The following RMDN2 variants were observed in gnomAD, a reference collection of about 807,000 sequenced individuals.
RMDN2 encodes the protein regulator of microtubule dynamics 2.
In RMDN2, 61 loss-of-function variants were observed where a neutral mutation model predicts 52.8. That is an observed-to-expected ratio of 1.16 (90% CI 0.94 to 1.43). The LOEUF is 1.43. Ranked by LOEUF, RMDN2 falls within the 40% of genes most tolerant of loss-of-function variation. The pLI, the probability that RMDN2 is intolerant of heterozygous loss-of-function variation, is 0.00. For missense variants in RMDN2, 592 were observed against 475.3 expected (o/e 1.25, Z -2.28); for synonymous variants, 180 against 153.1 (o/e 1.18, Z -1.30).
chr2:37,947,877 C>T (rs1259964474), intron 2 of RMDN2, among the ~76,000 whole-genome samples: 1 of 152,132 alleles, frequency 6.6e-6, no homozygotes, highest in Non-Finnish European at 1.5e-5. Flanking sequence ...TCAGGGTTCT[C>T]CCCTTGTGCC....
chr2:37,961,603 A>G (rs755842583), intron 2 of RMDN2, among the ~76,000 whole-genome samples: 4 of 151,924 alleles, frequency 2.6e-5, no homozygotes, highest in Admixed American at 6.6e-5. Context: ...TCTTTTATCA[A>G]AGTTCTTAGC....
At chr2:38,041,724 T>C (rs1252658663) in intron 10 of RMDN2, among the ~76,000 whole-genome samples, 1 of 152,144 alleles carries the variant, frequency 6.6e-6, no homozygotes, top group Non-Finnish European at 1.5e-5. Context: ...TCTTCCTTTT[T>C]AGTGTATTAA....
chr2:38,065,240 A>G (rs1169034644), intron 10 of RMDN2, among the ~76,000 whole-genome samples: 1 of 152,238 alleles, frequency 6.6e-6, no homozygotes, highest in African/African-American at 2.4e-5. Flanking sequence ...GCACTTACAT[A>G]AAGTAAAACA....
chr2:37,963,852 C>T (rs899185709), intron 2 of RMDN2, among the ~76,000 whole-genome samples: 21 of 152,246 alleles, frequency 1.4e-4, no homozygotes, highest in East Asian at 3.9e-4. Context: ...GACGGGGTGG[C>T]GGCCGGGCAG....
chr2:37,987,256 C>T (rs935506273), intron 5 of RMDN2, among the ~76,000 whole-genome samples: 1 of 150,514 alleles, frequency 6.6e-6, no homozygotes, highest in Non-Finnish European at 1.5e-5. Flanking sequence ...TGAAAATGAA[C>T]AAAGTATGTA....
Position 37,975,292 on chromosome 2 carries a change from A to G in RMDN2, c.708A>G (p.Glu236=). 6.3e-7 allele frequency: 1 copy of G among 1,598,956 alleles called. No individual in the cohort carries two copies. The highest frequency in any genetic ancestry group is 1.1e-5 in the South Asian group (1 of 90,580). Residue 236 remains glutamate, a synonymous_variant, in exon 4 of 11, where the codon GAA becomes GAG. Coordinates refer to ENST00000354545, the MANE Select transcript of RMDN2 (RefSeq NM_001170791.3). ...ATGAACTATCTACAAACACACAAGA[A>G]AAGAAACATTATGCTAATATTGGTA... ...DMYELSTNTQ[E]KKHYANIGKT... is the part of the protein sequence containing the mutation.
intron 10 of RMDN2, among the ~76,000 whole-genome samples, chr2:38,058,975 A>G (rs1681942559): frequency 1.3e-5 from 2 of 152,180 alleles, no homozygotes. Flanking sequence ...AGTATTTCTC[A>G]TGATTCTTAT....
intron 10 of RMDN2, among the ~76,000 whole-genome samples, chr2:38,026,801 A>T (rs1246389699): frequency 2.6e-5 from 4 of 152,178 alleles, no homozygotes; most frequent in Non-Finnish European, 5.9e-5. Context: ...ATTTCTAAGT[A>T]CCACTTTAGC....
intron 10 of RMDN2, among the ~76,000 whole-genome samples, chr2:38,013,932 C>T (rs1022039319): frequency 2.6e-5 from 4 of 152,212 alleles, no homozygotes; most frequent in Non-Finnish European, 5.9e-5. Context: ...GGCAGCCGGG[C>T]GTCGTGGCTC....
At chr2:38,026,792 T>C (rs1053967667) in intron 10 of RMDN2, among the ~76,000 whole-genome samples, 2 of 152,194 alleles carry the variant, frequency 1.3e-5, no homozygotes, top group African/African-American at 2.4e-5. Context: ...GTGCTATAAA[T>C]TTCTAAGTAC....
intron 10 of RMDN2, among the ~76,000 whole-genome samples, chr2:38,039,635 G>A (rs1434083808): frequency 6.6e-6 from 1 of 152,188 alleles, no homozygotes; most frequent in Non-Finnish European, 1.5e-5. Flanking sequence ...ACAGAAGAAG[G>A]AAGTTGTCTC....
intron 10 of RMDN2, among the ~76,000 whole-genome samples, chr2:38,010,439 G>A (rs1007237095): frequency 6.6e-6 from 1 of 152,290 alleles, no homozygotes; most frequent in African/African-American, 2.4e-5. Context: ...CCTTGCTGCT[G>A]CCTTGCAGTT....
At chr2:37,926,848 A>G (rs1572661075) in intron 1 of RMDN2, among the ~76,000 whole-genome samples, 2 of 152,146 alleles carry the variant, frequency 1.3e-5, no homozygotes, top group African/African-American at 4.8e-5. Flanking sequence ...AGGCAGGAGG[A>G]TGACTTGAGC....
intron 7 of RMDN2, among the ~76,000 whole-genome samples, chr2:37,993,068 C>T (rs1043974706): frequency 1.3e-5 from 2 of 152,140 alleles, no homozygotes; most frequent in Admixed American, 6.5e-5. Flanking sequence ...GCGTGTGCCA[C>T]CACGCTCGGG....
chr2:37,995,504 A>G (rs980105971), intron 7 of RMDN2, among the ~76,000 whole-genome samples: 1 of 152,218 alleles, frequency 6.6e-6, no homozygotes, highest in Non-Finnish European at 1.5e-5. Context: ...TAAAATAAAA[A>G]TTGACCAAAT....
At chr2:38,042,008 T>C (rs967196549) in intron 10 of RMDN2, among the ~76,000 whole-genome samples, 5 of 152,200 alleles carry the variant, frequency 3.3e-5, no homozygotes, top group Non-Finnish European at 7.4e-5. Context: ...CTACAAGAGA[T>C]TGCAGAAAAT....
At chr2:38,002,309 A>C (rs1222836475) in intron 8 of RMDN2, among the ~76,000 whole-genome samples, 1 of 152,200 alleles carries the variant, frequency 6.6e-6, no homozygotes, top group Non-Finnish European at 1.5e-5. Context: ...TATGGGAAAA[A>C]GTATGTTAAT....
At chr2:38,043,539 T>C (rs1441666536) in intron 10 of RMDN2, among the ~76,000 whole-genome samples, 1 of 152,176 alleles carries the variant, frequency 6.6e-6, no homozygotes, top group African/African-American at 2.4e-5. Flanking sequence ...ACTTATATAT[T>C]CATTGCACTT....
chr2:37,992,281 G>A (rs182152862), intron 7 of RMDN2, among the ~76,000 whole-genome samples: 18 of 152,258 alleles, frequency 1.2e-4, no homozygotes, highest in East Asian at 9.6e-4. Context: ...ATTGTGTTAC[G>A]TACGAAGAAA....
Sources: gnomAD v4.1 joint callset for allele counts (sites outside exome capture counted in the v4.1 genomes callset) on GRCh38, gnomAD v4.1.1 for gene constraint, MANE v1.5 for transcripts, NCBI Gene and HGNC (gene_info 2026-07-23, HGNC 2026-07-21) for gene names.